TTLL8: variants seen among roughly 807,000 people sequenced by gnomAD.
TTLL8 encodes the protein protein monoglycylase TTLL8.
A neutral mutation model predicts 77.8 loss-of-function variants in TTLL8; 65 were observed. The ratio of observed to expected loss-of-function variants is 0.84; its 90% CI spans 0.68 to 1.03. The LOEUF (loss-of-function observed/expected upper bound fraction) is 1.03. Ranked by LOEUF, TTLL8 falls within the 50% of genes least tolerant of loss-of-function variation. TTLL8 has a pLI of 0.00. For missense variants in TTLL8, 910 were observed against 1,004.5 expected (o/e 0.91, Z 1.27); for synonymous variants, 402 against 422.8 (o/e 0.95, Z 0.60).
chr22:50,032,755 C>G (rs879288266), intron 10 of TTLL8, among the ~76,000 whole-genome samples: 4 of 152,198 alleles, frequency 2.6e-5, no homozygotes. Context: ...ACAGCACACT[C>G]CTGAGGACTC....
In TTLL8 at chr22:50,033,422, C is replaced by A; in HGVS notation, c.1063G>T (p.Glu355Ter). 7.3e-7 allele frequency: 1 copy of A among 1,364,720 alleles called. No homozygotes were observed. The highest frequency in any genetic ancestry group is 9.8e-7 in the Non-Finnish European group (1 of 1,021,438). The allele number at this position is 1,364,720 out of a possible 1,614,324, so 84.5% of individuals were successfully genotyped here. The change falls in exon 10 of 14, where the codon GAG (glutamate) becomes TAG (stop). Residue 355 changes from glutamate to a stop codon, truncating the protein, a stop_gained. Coordinates refer to ENST00000266182, the Ensembl canonical transcript of TTLL8. LOFTEE classifies it high-confidence loss of function. ...GCAGCTGCCAGCTCCAGGATCTCCT[C>A]CACACGGTCCATGCACACTATGTCT...
intron 4 of TTLL8, among the ~76,000 whole-genome samples, chr22:50,046,752 G>A (rs2061414604): frequency 6.6e-6 from 1 of 152,254 alleles, no homozygotes; most frequent in Non-Finnish European, 1.5e-5. Flanking sequence ...CTCAGCCCTG[G>A]GCCTTGGTGG....
intron 12 of TTLL8, among the ~76,000 whole-genome samples, chr22:50,021,649 T>C (rs3931447): frequency 0.37 from 35,998 of 97,620 alleles, 8,463 homozygotes; most frequent in South Asian, 0.45. Flanking sequence ...CATCTGATGA[T>C]GTGCACTCCT....
intron 3 of TTLL8, among the ~76,000 whole-genome samples, chr22:50,047,646 C>A (rs774368177): frequency 4.6e-5 from 7 of 152,166 alleles, no homozygotes; most frequent in African/African-American, 9.7e-5. Flanking sequence ...GTCCCCAGGA[C>A]CGAAGCCCCC....
intron 1 of TTLL8, among the ~76,000 whole-genome samples, chr22:50,051,221 CTA>C (rs1243382068): frequency 6.6e-6 from 1 of 152,252 alleles, no homozygotes; most frequent in African/African-American, 2.4e-5. Flanking sequence ...TCTCCAAACT[CTA>C]TCTTATCATT....
At chr22:50,045,437 G>T in intron 5 of TTLL8, 48 bp from the exon 8 acceptor site, 2 of 1,351,992 alleles carry the variant, frequency 1.5e-6, no homozygotes, top group South Asian at 1.1e-5. Context: ...CCAGGACTGG[G>T]GACTGGAGAT....
intron 8 of TTLL8, among the ~76,000 whole-genome samples, chr22:50,038,010 T>TACACACAC (rs139308851): frequency 1.3e-5 from 2 of 150,948 alleles, no homozygotes; most frequent in African/African-American, 2.4e-5. Flanking sequence ...TAACATGTTA[T>TACACACAC]ACACACACAC....
Position 50,041,456 on chromosome 22 carries a change from A to G in TTLL8, c.830+165T>C, listed in dbSNP as rs2061370215. On this transcript the variant is annotated intron_variant, in intron 7 of 13. Transcript: ENST00000266182. The surrounding 1 kb of genome is among the most constrained non-coding windows in gnomAD (Gnocchi z 4.3). ...TACTCAACAAGCATCCCAGACATCC[A>G]GACAGGAGCCCCAACGCCAGGACAG... 1 of 947,492 alleles carries G rather than the reference A, an allele frequency of 1.1e-6. No individual in the cohort carries two copies. The highest frequency in any genetic ancestry group is 1.8e-5 in the African/African-American group (1 of 56,432). 58.7% of individuals were successfully genotyped at this position (947,492 alleles called of 1,614,324 possible).
At chr22:50,036,902 T>C (rs1601921953) in intron 8 of TTLL8, among the ~76,000 whole-genome samples, 1 of 152,138 alleles carries the variant, frequency 6.6e-6, no homozygotes, top group Non-Finnish European at 1.5e-5. Flanking sequence ...CCAGCCAGTG[T>C]CTGGCTTCCT....
At chr22:50,045,656 A>G in intron 5 of TTLL8, 200 bp downstream of exon 7, 1 of 697,722 alleles carries the variant, frequency 1.4e-6, no homozygotes, top group Non-Finnish European at 1.8e-6. Flanking sequence ...AGCCTAGCAC[A>G]GAACCACACA....
In TTLL8 at chr22:50,030,479, C is replaced by T. The variant is rs201925845; in HGVS notation, c.2154G>A (p.Arg718=). The T allele has an allele frequency of 1.3e-4, 179 of 1,345,212 alleles. No individual in the cohort carries two copies. In the African/African-American group the frequency reaches 2.5e-3, roughly 19 times the overall value. The allele number at this position is 1,345,212 out of a possible 1,614,324, so 83.3% of individuals were successfully genotyped here. Residue 718 remains arginine (R), a synonymous_variant, in exon 12 of 14, where the codon CGG becomes CGA. Coordinates refer to ENST00000266182, the Ensembl canonical transcript of TTLL8. ...GCGCGCCCTCTGCTGTCTTCAGGCC[C>T]CGCAGCACAGGCTCCAGCGGGTGCG...
chr22:50,057,370 TGGGGGA>T (rs2061478860), upstream of TTLL8, among the ~76,000 whole-genome samples: 1 of 70,652 alleles, frequency 1.4e-5, no homozygotes, highest in African/African-American at 7.7e-5. Context: ...AGGTCTGGGT[TGGGGGA>T]TCAGGTCTGG....
At chr22:50,030,071 G>A (rs2061275610) in intron 12 of TTLL8, 2 of 779,116 alleles carry the variant, frequency 2.6e-6, no homozygotes, top group African/African-American at 1.9e-5. Flanking sequence ...GCTCGGCCAG[G>A]GAGCTTGGTG....
At chr22:50,043,493 C>T (rs565232237) in intron 6 of TTLL8, among the ~76,000 whole-genome samples, 100 of 147,678 alleles carry the variant, frequency 6.8e-4, no homozygotes, top group African/African-American at 2.3e-3. Flanking sequence ...ACATGTTCTT[C>T]GGTAGATGGA....
chr22:50,030,512 C>T, exon 12 of TTLL8: 1 of 1,339,976 alleles, frequency 7.5e-7, no homozygotes, highest in South Asian at 1.2e-5. Flanking sequence ...GCGCATTTAG[C>T]TGGTTTGGAT....
At chr22:50,028,568 T>C (rs2146635178) in intron 12 of TTLL8, among the ~76,000 whole-genome samples, 1 of 150,964 alleles carries the variant, frequency 6.6e-6, no homozygotes, top group African/African-American at 2.4e-5. Context: ...CTGCGTGCCG[T>C]CATAAAGACC....
upstream of TTLL8, among the ~76,000 whole-genome samples, chr22:50,057,109 GT>G: frequency 6.8e-6 from 1 of 146,864 alleles, no homozygotes; most frequent in African/African-American, 2.6e-5. Context: ...TCAGGTCTGG[GT>G]TGGGGGATGA....
At chr22:50,057,519 G>A (rs1292460513), upstream of TTLL8, among the ~76,000 whole-genome samples, 11 of 131,908 alleles carry the variant, frequency 8.3e-5, no homozygotes, top group African/African-American at 3.0e-4. Context: ...TGGGTTGGGG[G>A]GTCAGGTCTG....
chr22:50,053,992 C>T (rs989527808), intron 1 of TTLL8, among the ~76,000 whole-genome samples: 6 of 149,354 alleles, frequency 4.0e-5, no homozygotes, highest in Admixed American at 2.7e-4. Flanking sequence ...ATCACCATGC[C>T]GTGCACCTGC....
Sources: allele counts gnomAD v4.1 joint callset (sites outside exome capture counted in the v4.1 genomes callset), GRCh38; gene constraint gnomAD v4.1.1; non-coding constraint Gnocchi (gnomAD v3.1); transcripts MANE v1.5; gene names NCBI Gene and HGNC (gene_info 2026-07-23, HGNC 2026-07-21).